CAMTA1: variants seen among roughly 807,000 people sequenced by gnomAD.
The protein encoded by CAMTA1 is calmodulin binding transcription activator 1, also known as calmodulin-binding transcription activator 1.
In CAMTA1, 27 loss-of-function variants were observed where a neutral mutation model predicts 170.9. The ratio of observed to expected loss-of-function variants is 0.16; its 90% CI spans 0.12 to 0.22. CAMTA1 has a LOEUF of 0.22. CAMTA1 is among the 10% of genes least tolerant of loss of function. The probability of loss-of-function intolerance (pLI) is 1.00; values close to 1 mark genes in which losing one functional copy is unlikely to be tolerated. For synonymous variants in CAMTA1, 833 were observed against 891.5 expected (o/e 0.93, Z 1.17); for missense variants, 1,619 against 2,217.2 (o/e 0.73, Z 5.42).
At chr1:6,937,223 C>T (rs1471564820) in intron 3 of CAMTA1, among the ~76,000 whole-genome samples, 1 of 151,658 alleles carries the variant, frequency 6.6e-6, no homozygotes, top group African/African-American at 2.4e-5. Flanking sequence ...CATCATTCAC[C>T]ACTTACCACC....
chr1:7,445,543 G>A (rs2092658524), intron 5 of CAMTA1, among the ~76,000 whole-genome samples: 1 of 152,122 alleles, frequency 6.6e-6, no homozygotes, highest in Admixed American at 6.5e-5. Context: ...GGACGGGGGA[G>A]GGGCTCAGCC....
At chr1:7,497,826 A>G (rs1045362178) in intron 6 of CAMTA1, among the ~76,000 whole-genome samples, 1 of 152,158 alleles carries the variant, frequency 6.6e-6, no homozygotes, top group African/African-American at 2.4e-5. Context: ...GGCCATTTTC[A>G]TTCTGGAGAG....
chr1:7,038,736 AC>A (rs1703996554), intron 3 of CAMTA1, among the ~76,000 whole-genome samples: 1 of 152,238 alleles, frequency 6.6e-6, no homozygotes, highest in South Asian at 2.1e-4. Flanking sequence ...TATTGTATGT[AC>A]CCATTTATAT....
At chr1:6,845,814 G>A (rs1483768446) in intron 3 of CAMTA1, among the ~76,000 whole-genome samples, 1 of 152,176 alleles carries the variant, frequency 6.6e-6, no homozygotes, top group Non-Finnish European at 1.5e-5. Flanking sequence ...TTGAAAATAG[G>A]TTAATGGGAT....
rs972918580 is a variant in CAMTA1, at chr1:7,146,978, CAG to C, written c.302+55609_302+55610del. Among the ~76,000 whole-genome samples the C allele has an allele frequency of 5.3e-5, 8 of 151,846 alleles. No homozygotes were observed. The highest frequency in any genetic ancestry group is 7.4e-5 in the Non-Finnish European group (5 of 67,932). Reference sequence around the variant, plus strand: ...TTCAAACATATGCCGTGCACACACACAGAAAGTTACAGCACGCACACACGCAC... The same window carrying C: ...TTCAAACATATGCCGTGCACACACACAAAGTTACAGCACGCACACACGCAC... On this transcript the variant is annotated intron_variant, in intron 4 of 22. Transcript: ENST00000303635. This position sits in a 1 kb window ranked among gnomAD's most constrained non-coding sequence, Gnocchi z 4.3.
At chr1:7,539,206 C>A (rs1391362931) in intron 6 of CAMTA1, among the ~76,000 whole-genome samples, 1 of 152,240 alleles carries the variant, frequency 6.6e-6, no homozygotes, top group African/African-American at 2.4e-5. Context: ...GACCTCCTGG[C>A]CCTAAATCCC....
chr1:7,341,182 G>T (rs572489383), intron 5 of CAMTA1, among the ~76,000 whole-genome samples: 1 of 152,214 alleles, frequency 6.6e-6, no homozygotes, highest in Admixed American at 6.5e-5. Flanking sequence ...TTTGCTGGGC[G>T]TGGAGCTGCC....
intron 12 of CAMTA1, among the ~76,000 whole-genome samples, chr1:7,733,665 T>A (rs1026666804): frequency 1.7e-5 from 2 of 114,480 alleles, no homozygotes; most frequent in African/African-American, 3.0e-5. Context: ...CACTACTCAG[T>A]CGTTGCAAAA....
chr1:7,048,281 G>A (rs1026805563), intron 3 of CAMTA1, among the ~76,000 whole-genome samples: 2 of 151,764 alleles, frequency 1.3e-5, no homozygotes, highest in African/African-American at 4.8e-5. Context: ...TGTAGAGCGT[G>A]GAAAAAAGGG....
intron 1 of CAMTA1, among the ~76,000 whole-genome samples, chr1:6,800,337 G>T (rs1643588454): frequency 6.6e-6 from 1 of 152,020 alleles, no homozygotes; most frequent in Non-Finnish European, 1.5e-5. Flanking sequence ...AGCCCTTGAG[G>T]TCAAGGCTGC....
In CAMTA1 at chr1:7,272,565, A is replaced by T. The variant is rs567194828; in HGVS notation, c.438+22939A>T. Among the ~76,000 whole-genome samples, 5 of 152,144 alleles carry T rather than the reference A, an allele frequency of 3.3e-5. No homozygotes were observed. The South Asian group carries it at 1.0e-3, about 32-fold the overall frequency. On this transcript the variant is annotated intron_variant, in intron 5 of 22. Coordinates refer to ENST00000303635, the MANE Select transcript of CAMTA1 (RefSeq NM_015215.4). ...AATAGACGTATAAATCAATGGAATA[A>T]AATTGAGAGTCCAGGAGTAAGTCTT... is the stretch of plus-strand genomic sequence containing the variant.
At chr1:6,873,957 C>T (rs2149008746) in intron 3 of CAMTA1, 1 of 152,276 alleles carries the variant, frequency 6.6e-6, no homozygotes, top group Middle Eastern at 3.4e-3. Flanking sequence ...CTGAAATACT[C>T]CAACAGAAAG....
Position 7,534,386 on chromosome 1 carries a change from G to A in CAMTA1, c.510+66485G>A, listed in dbSNP as rs999210105. ...CTTCCTGACACCCCGGGGCCACACG[G>A]GGAGAGCTTGCTGCAGACCCGGGGA... is the stretch of plus-strand genomic sequence containing the variant. On this transcript the variant is annotated intron_variant, in intron 6 of 22. Transcript: ENST00000303635. The surrounding 1 kb of genome is among the most constrained non-coding windows in gnomAD (Gnocchi z 5.6). Among the ~76,000 whole-genome samples, 1 of 152,160 alleles carries A rather than the reference G, an allele frequency of 6.6e-6. No individual in the cohort carries two copies. Among genetic ancestry groups the A allele is most frequent in the Non-Finnish European group, 1.5e-5 (1 of 68,030 alleles).
At chr1:7,700,160 T>C (rs2096423157) in intron 11 of CAMTA1, among the ~76,000 whole-genome samples, 1 of 151,440 alleles carries the variant, frequency 6.6e-6, no homozygotes, top group African/African-American at 2.5e-5. Flanking sequence ...TAGCTTTACC[T>C]CTTATATGTA....
chr1:6,918,504 A>G lies in CAMTA1; in HGVS notation c.234+93294A>G, dbSNP rs924390983. Among the ~76,000 whole-genome samples the G allele has an allele frequency of 6.6e-6, 1 of 152,222 alleles. No individual in the cohort carries two copies. The highest frequency in any genetic ancestry group is 2.4e-5 in the African/African-American group (1 of 41,456). ...GATAAATGTCTCCCAATTGCATATA[A>G]ATGTCTCGGCTTTACTGTACTATTT... is the stretch of plus-strand genomic sequence containing the variant. On this transcript the variant is annotated intron_variant, in intron 3 of 22. Coordinates refer to ENST00000303635, the MANE Select transcript of CAMTA1 (RefSeq NM_015215.4). The surrounding 1 kb of genome is among the most constrained non-coding windows in gnomAD (Gnocchi z 4.0).
At chr1:6,864,692 C>T (rs1376876597) in intron 3 of CAMTA1, among the ~76,000 whole-genome samples, 1 of 152,174 alleles carries the variant, frequency 6.6e-6, no homozygotes, top group African/African-American at 2.4e-5. Context: ...CCTTGGGACC[C>T]CAGCTTACAT....
chr1:7,047,871 C>A (rs1057187041), intron 3 of CAMTA1, among the ~76,000 whole-genome samples: 2 of 152,148 alleles, frequency 1.3e-5, no homozygotes, highest in African/African-American at 4.8e-5. Context: ...GCCTTCCCAG[C>A]AACAGAGCTC....
chr1:7,082,440 A>AATAG (rs150422699), intron 3 of CAMTA1, among the ~76,000 whole-genome samples: 47,190 of 141,992 alleles, frequency 0.33, 7,868 homozygotes, highest in South Asian at 0.34. Context: ...TGCATCTCGA[A>AATAG]ATAGATAGAT....
chr1:7,105,293 T>G (rs966446321), intron 4 of CAMTA1, among the ~76,000 whole-genome samples: 1 of 152,238 alleles, frequency 6.6e-6, no homozygotes, highest in Non-Finnish European at 1.5e-5. Flanking sequence ...AACAATTGTG[T>G]TTTGGAATTA....
Sources: allele counts gnomAD v4.1 joint callset (sites outside exome capture counted in the v4.1 genomes callset), GRCh38; gene constraint gnomAD v4.1.1; non-coding constraint Gnocchi (gnomAD v3.1); transcripts MANE v1.5; gene names NCBI Gene and HGNC (gene_info 2026-07-23, HGNC 2026-07-21).